Variants in PTGER3 observed in about 807,000 individuals in gnomAD.
The protein encoded by PTGER3 is prostaglandin E2 receptor EP3 subtype.
PTGER3 carries 22 observed loss-of-function variants against 34.7 expected under a neutral mutation model. The ratio of observed to expected loss-of-function variants is 0.63; its 90% confidence interval spans 0.45 to 0.91. The LOEUF (loss-of-function observed/expected upper bound fraction) is 0.91. PTGER3 is among the 40% of genes least tolerant of loss of function. The pLI, the probability that PTGER3 is intolerant of heterozygous loss-of-function variation, is 0.00. For synonymous variants in PTGER3, 241 were observed against 230.1 expected, an observed-to-expected ratio of 1.05 and a Z score of -0.43; for missense variants, 468 against 519.4, an observed-to-expected ratio of 0.90 and a Z score of 0.96.
intron 4 of PTGER3, among the ~76,000 whole-genome samples, chr1:70,945,400 T>C (rs1481650097): frequency 6.6e-6 from 1 of 152,160 alleles, no homozygotes; most frequent in Non-Finnish European, 1.5e-5. Context: ...ATTCACACTG[T>C]GTCTCTGTCT....
downstream of PTGER3, among the ~76,000 whole-genome samples, chr1:70,968,230 G>T (rs1652726566): frequency 6.6e-6 from 1 of 152,182 alleles, no homozygotes; most frequent in Non-Finnish European, 1.5e-5. Context: ...AAGTTTAAAA[G>T]TACGTGGAAT....
chr1:70,931,826 C>T (rs1022640841), intron 4 of PTGER3, among the ~76,000 whole-genome samples: 3 of 152,202 alleles, frequency 2.0e-5, no homozygotes, highest in African/African-American at 4.8e-5. Flanking sequence ...AGACCTATGA[C>T]ATGCCCTGGG....
intron 1 of PTGER3, among the ~76,000 whole-genome samples, chr1:71,032,270 C>T (rs1173925593): frequency 2.0e-5 from 3 of 152,028 alleles, no homozygotes; most frequent in Admixed American, 2.0e-4. Context: ...ATTCTCTGAG[C>T]CTGAATCTGG....
rs567444071 is a variant in PTGER3, at chr1:70,929,420, A to C, written c.*23+24343T>G. Reference sequence around the variant, plus strand: ...TGTAGATGGAGAGAATAGAAAAATAAAGTACTTAAAAATTAAATGGGTAAT... The same window carrying C: ...TGTAGATGGAGAGAATAGAAAAATACAGTACTTAAAAATTAAATGGGTAAT... On this transcript the variant is annotated intron_variant, in intron 4 of 4. Transcript: ENST00000370931. 8.6e-5 allele frequency among the ~76,000 whole-genome samples: 13 copies of C among 151,980 alleles called. No individual in the cohort carries two copies. In the South Asian group the frequency reaches 2.7e-3, roughly 32 times the overall value.
intron 2 of PTGER3, among the ~76,000 whole-genome samples, chr1:70,999,652 T>G (rs1572896428): frequency 6.6e-6 from 1 of 152,154 alleles, no homozygotes; most frequent in Non-Finnish European, 1.5e-5. Context: ...CCTCTGTAAC[T>G]AGGAAGCACA....
At chr1:70,888,609 T>G (rs1481512432) in intron 4 of PTGER3, among the ~76,000 whole-genome samples, 1 of 152,186 alleles carries the variant, frequency 6.6e-6, no homozygotes, top group East Asian at 1.9e-4. Context: ...CTAGACTTAT[T>G]TATCCTACAT....
intron 2 of PTGER3, among the ~76,000 whole-genome samples, chr1:70,983,677 T>A (rs1654617747): frequency 6.6e-6 from 1 of 152,146 alleles, no homozygotes; most frequent in Non-Finnish European, 1.5e-5. Flanking sequence ...CACGCACACC[T>A]GGTCAAATTC....
chr1:70,905,789 A>AGTT (rs1174853420), intron 4 of PTGER3, among the ~76,000 whole-genome samples: 2 of 152,068 alleles, frequency 1.3e-5, no homozygotes, highest in East Asian at 3.9e-4. Context: ...TGCTGAAATG[A>AGTT]GTTAAGACTT....
chr1:71,024,812 C>T (rs1481419838), intron 1 of PTGER3, among the ~76,000 whole-genome samples: 3 of 151,672 alleles, frequency 2.0e-5, no homozygotes, highest in Admixed American at 6.6e-5. Flanking sequence ...GCCTCAACCT[C>T]CCAGTGTGCT....
At chr1:70,891,708 C>T (rs1177628351) in intron 4 of PTGER3, among the ~76,000 whole-genome samples, 2 of 152,156 alleles carry the variant, frequency 1.3e-5, no homozygotes, top group African/African-American at 4.8e-5. Context: ...AGCTTGCAGG[C>T]TTGCATAGCA....
At chr1:71,045,590 C>A (rs1258041665) in intron 1 of PTGER3, among the ~76,000 whole-genome samples, 1 of 152,122 alleles carries the variant, frequency 6.6e-6, no homozygotes, top group Admixed American at 6.5e-5. Flanking sequence ...ACAAAAAAAC[C>A]TCAAAAATAT....
At chr1:70,987,681 G>A (rs967594177) in intron 2 of PTGER3, among the ~76,000 whole-genome samples, 2 of 152,142 alleles carry the variant, frequency 1.3e-5, no homozygotes, top group Non-Finnish European at 2.9e-5. Context: ...TTTGTTCCCT[G>A]TGGTCCCAGC....
At chr1:70,945,383 C>G (rs1177903058) in intron 4 of PTGER3, among the ~76,000 whole-genome samples, 1 of 152,066 alleles carries the variant, frequency 6.6e-6, no homozygotes, top group Non-Finnish European at 1.5e-5. Flanking sequence ...AAAATACCTG[C>G]TTTCAAATTC....
At chr1:70,934,244 C>A (rs1648995376) in intron 4 of PTGER3, among the ~76,000 whole-genome samples, 1 of 152,184 alleles carries the variant, frequency 6.6e-6, no homozygotes, top group South Asian at 2.1e-4. Flanking sequence ...TCTCAACCAA[C>A]AACTCCAACC....
Position 70,881,056 on chromosome 1 carries a change from G to C in PTGER3, c.*24-28197C>G, listed in dbSNP as rs1190321179. Among the ~76,000 whole-genome samples, 6 of 152,062 alleles carry C rather than the reference G, an allele frequency of 3.9e-5. No individual in the cohort carries two copies. In the East Asian group the frequency reaches 1.2e-3, roughly 29 times the overall value. On this transcript the variant is annotated intron_variant, in intron 4 of 4. Transcript: ENST00000370931. ...TGGGATGCCAATGAATTATAGATTT[G>C]GTCTCTTGGTCTCTTTACATAATCC...
intron 2 of PTGER3, among the ~76,000 whole-genome samples, chr1:70,982,604 A>C (rs558137787): frequency 5.3e-5 from 8 of 152,156 alleles, no homozygotes; most frequent in Non-Finnish European, 1.0e-4. Flanking sequence ...CCTTAAAATA[A>C]AGACAAACAT....
chr1:70,998,857 T>G (rs927922505), intron 2 of PTGER3, among the ~76,000 whole-genome samples: 1 of 152,166 alleles, frequency 6.6e-6, no homozygotes, highest in African/African-American at 2.4e-5. Context: ...TGGTGCTTAT[T>G]ATGATGACGG....
At chr1:70,928,257 G>A (rs972562999) in intron 4 of PTGER3, among the ~76,000 whole-genome samples, 1 of 150,060 alleles carries the variant, frequency 6.7e-6, no homozygotes, top group African/African-American at 2.4e-5. Context: ...CTACTGCCTT[G>A]TATAGAAATT....
chr1:70,979,025 C>A (rs1393447100), intron 2 of PTGER3, among the ~76,000 whole-genome samples: 2 of 152,086 alleles, frequency 1.3e-5, no homozygotes, highest in African/African-American at 4.8e-5. Flanking sequence ...CTAGAACATA[C>A]CTTATTCATC....
Sources: allele counts gnomAD v4.1 joint callset (sites outside exome capture counted in the v4.1 genomes callset), GRCh38; gene constraint gnomAD v4.1.1; transcripts MANE v1.5; gene names NCBI Gene and HGNC (gene_info 2026-07-23, HGNC 2026-07-21).